TMC1: variants seen among roughly 807,000 people sequenced by gnomAD.
TMC1 encodes transmembrane channel like 1, also known as transmembrane channel-like protein 1.
TMC1 carries 84 observed loss-of-function variants against 105.8 expected under a neutral mutation model. That is an observed-to-expected ratio of 0.79 (90% CI 0.67 to 0.95). The LOEUF (loss-of-function observed/expected upper bound fraction) is 0.95. TMC1 is among the 40% of genes least tolerant of loss of function. The pLI is 0.00. For missense variants in TMC1, 817 were observed against 914.1 expected, an observed-to-expected ratio of 0.89 and a Z score of 1.37; for synonymous variants, 315 against 311.5, an observed-to-expected ratio of 1.01 and a Z score of -0.12.
At chr9:72,736,467 T>A (rs955053245) in intron 8 of TMC1, among the ~76,000 whole-genome samples, 1 of 152,196 alleles carries the variant, frequency 6.6e-6, no homozygotes, top group African/African-American at 2.4e-5. Flanking sequence ...CTTTACATCC[T>A]TTTTAGAACA....
intron 10 of TMC1, among the ~76,000 whole-genome samples, chr9:72,743,361 C>T (rs1254617700): frequency 1.5e-4 from 21 of 137,386 alleles, no homozygotes; most frequent in Non-Finnish European, 1.4e-4. Context: ...AGCGAGACTC[C>T]GTCTCACAAA....
chr9:72,804,598 T>G (rs1828537035), intron 17 of TMC1, among the ~76,000 whole-genome samples: 1 of 152,232 alleles, frequency 6.6e-6, no homozygotes, highest in Admixed American at 6.5e-5. Context: ...CATGATTGTA[T>G]GTATAGATTT....
intron 1 of TMC1, among the ~76,000 whole-genome samples, chr9:72,571,572 G>A (rs1418695046): frequency 6.6e-6 from 1 of 150,652 alleles, no homozygotes; most frequent in Non-Finnish European, 1.5e-5. Flanking sequence ...TCAGCCTCCC[G>A]AGTGGCTGTG....
chr9:72,829,159 T>G (rs1381684384), intron 21 of TMC1, among the ~76,000 whole-genome samples: 1 of 152,186 alleles, frequency 6.6e-6, no homozygotes, highest in African/African-American at 2.4e-5. Flanking sequence ...TGAGATCTCA[T>G]CTTCTATTTT....
intron 18 of TMC1, among the ~76,000 whole-genome samples, chr9:72,809,620 G>A (rs567495626): frequency 3.3e-5 from 5 of 152,314 alleles, no homozygotes; most frequent in Non-Finnish European, 7.4e-5. Flanking sequence ...TTGGCCTGCA[G>A]GGTAGATTCA....
chr9:72,558,558 A>AAT (rs993315647), intron 1 of TMC1, among the ~76,000 whole-genome samples: 2 of 152,206 alleles, frequency 1.3e-5, no homozygotes, highest in Non-Finnish European at 2.9e-5. Context: ...GCAGCATAAT[A>AAT]GAATTTCAGG....
intron 13 of TMC1, among the ~76,000 whole-genome samples, chr9:72,782,796 C>A (rs1438451375): frequency 1.3e-5 from 2 of 152,036 alleles, no homozygotes; most frequent in Non-Finnish European, 2.9e-5. Flanking sequence ...AGAAATGACA[C>A]AAACAAATGG....
chr9:72,763,551 A>G (rs1488641262), intron 12 of TMC1, among the ~76,000 whole-genome samples: 2 of 152,234 alleles, frequency 1.3e-5, no homozygotes, highest in Non-Finnish European at 2.9e-5. Context: ...GTAATGTTCA[A>G]ATTGGGCTCT....
At chr9:72,675,815 T>TA (rs1826193653) in intron 5 of TMC1, among the ~76,000 whole-genome samples, 1 of 152,144 alleles carries the variant, frequency 6.6e-6, no homozygotes. Flanking sequence ...GCCACACAAT[T>TA]ACAATAATTT....
At chr9:72,743,387 A>AAAAAAAAAAAT (rs1827429233) in intron 10 of TMC1, among the ~76,000 whole-genome samples, 1 of 150,262 alleles carries the variant, frequency 6.7e-6, no homozygotes, top group Non-Finnish European at 1.5e-5. Flanking sequence ...AAAAATAAAA[A>AAAAAAAAAAAT]AAATAAAAAA....
At chr9:72,762,793 G>C (rs2118093577) in intron 12 of TMC1, among the ~76,000 whole-genome samples, 1 of 152,282 alleles carries the variant, frequency 6.6e-6, no homozygotes, top group African/African-American at 2.4e-5. Context: ...CGCTGGGACT[G>C]GCAGTATCAA....
At chr9:72,635,326 C>CTAT in intron 4 of TMC1, among the ~76,000 whole-genome samples, 1 of 152,104 alleles carries the variant, frequency 6.6e-6, no homozygotes. Context: ...ATTGCATATA[C>CTAT]ATGCCCCTCC....
In TMC1 at chr9:72,830,551, A is replaced by G. The variant is rs558254341; in HGVS notation, c.2208+22A>G. The G allele has an allele frequency of 1.9e-4, 302 of 1,604,212 alleles. 4 individuals are homozygous for G. The South Asian group carries it at 3.2e-3, about 17-fold the overall frequency. ...AATGGTATGATACAATTTATTTCAT[A>G]GAAATATTATCTTTATTAATGTCAA... is the stretch of plus-strand genomic sequence containing the variant. On this transcript the variant is annotated intron_variant, in intron 22 of 23. Transcript: ENST00000297784.
Position 72,622,199 on chromosome 9 carries a change from C to A in TMC1, c.-196+5722C>A, listed in dbSNP as rs993654318. On this transcript the variant is annotated intron_variant, in intron 3 of 23. Transcript: ENST00000297784. ...TCAGAGTAACTTCAGCCTGTCCATA[C>A]CCTCCAGCAATGGTGGGTCACTTCT... Among the ~76,000 whole-genome samples, 4 of 152,346 alleles carry A rather than the reference C, an allele frequency of 2.6e-5. No individual in the cohort carries two copies. The South Asian group carries it at 8.3e-4, about 32-fold the overall frequency.
intron 6 of TMC1, among the ~76,000 whole-genome samples, chr9:72,691,230 G>A (rs1826461878): frequency 1.3e-5 from 2 of 151,950 alleles, no homozygotes; most frequent in African/African-American, 4.8e-5. Context: ...CTTTGTTCAT[G>A]CATTTTTCTT....
At chr9:72,656,996 A>G (rs1325133080) in intron 5 of TMC1, among the ~76,000 whole-genome samples, 2 of 152,198 alleles carry the variant, frequency 1.3e-5, no homozygotes, top group African/African-American at 4.8e-5. Context: ...AGGTCTGGAC[A>G]CTGTTCTGCA....
chr9:72,737,081 G>A (rs1166587300), intron 8 of TMC1, among the ~76,000 whole-genome samples: 1 of 152,194 alleles, frequency 6.6e-6, no homozygotes, highest in Non-Finnish European at 1.5e-5. Flanking sequence ...TGTTGTCCCA[G>A]TTGTGAGCAG....
intron 17 of TMC1, among the ~76,000 whole-genome samples, chr9:72,803,955 C>T (rs1468199562): frequency 6.6e-6 from 1 of 152,160 alleles, no homozygotes; most frequent in Admixed American, 6.5e-5. Flanking sequence ...CAGCACTATT[C>T]ACAATAGCAG....
intron 7 of TMC1, among the ~76,000 whole-genome samples, chr9:72,695,952 T>G (rs1432747176): frequency 6.6e-6 from 1 of 152,190 alleles, no homozygotes; most frequent in East Asian, 1.9e-4. Flanking sequence ...ACATTTTATG[T>G]CCCATGTATT....
Sources: gnomAD v4.1 joint callset for allele counts (sites outside exome capture counted in the v4.1 genomes callset) on GRCh38, gnomAD v4.1.1 for gene constraint, MANE v1.5 for transcripts, NCBI Gene and HGNC (gene_info 2026-07-23, HGNC 2026-07-21) for gene names.